AK8: variants seen among roughly 807,000 people sequenced by gnomAD.
The protein encoded by AK8 is ATP-AMP transphosphorylase 8.
AK8 carries 44 observed loss-of-function variants against 54.6 expected under a neutral mutation model. The observed-to-expected ratio is 0.81, with a 90% CI of 0.63 to 1.04. AK8 has a LOEUF of 1.04. Ranked by LOEUF, AK8 falls within the 50% of genes least tolerant of loss-of-function variation. The pLI is 0.00. For synonymous variants in AK8, 239 were observed against 245.6 expected, an observed-to-expected ratio of 0.97 and a Z score of 0.25; for missense variants, 555 against 613.6, an observed-to-expected ratio of 0.90 and a Z score of 1.01.
intron 2 of AK8, among the ~76,000 whole-genome samples, chr9:132,871,605 C>G (rs372650724): frequency 3.9e-4 from 60 of 152,320 alleles, no homozygotes; most frequent in African/African-American, 1.4e-3. Context: ...GACAGACCCC[C>G]CCGGCTGGAG....
intron 5 of AK8, among the ~76,000 whole-genome samples, chr9:132,835,591 T>A (rs192195965): frequency 2.6e-5 from 4 of 152,348 alleles, no homozygotes; most frequent in African/African-American, 4.8e-5. Flanking sequence ...AGCCAATGTG[T>A]GACTTTCAAC....
intron 8 of AK8, among the ~76,000 whole-genome samples, chr9:132,824,018 G>A (rs756778280): frequency 2.6e-5 from 4 of 152,214 alleles, no homozygotes; most frequent in Non-Finnish European, 5.9e-5. Flanking sequence ...CTGGCATTTG[G>A]TGAACAAAGA....
intron 10 of AK8, among the ~76,000 whole-genome samples, chr9:132,798,742 T>C (rs1365669597): frequency 6.6e-6 from 1 of 152,046 alleles, no homozygotes; most frequent in African/African-American, 2.4e-5. Context: ...AGTCCTCAAG[T>C]TGACCTCCAG....
At chr9:132,789,241 G>A (rs981418962) in intron 11 of AK8, among the ~76,000 whole-genome samples, 1 of 151,910 alleles carries the variant, frequency 6.6e-6, no homozygotes, top group Non-Finnish European at 1.5e-5. Flanking sequence ...CTTACAGTGA[G>A]CCAAGATCGC....
In AK8 at chr9:132,743,252, C is replaced by T. The variant is rs76731781; in HGVS notation, c.1122-15718G>A. 6.5e-3 allele frequency among the ~76,000 whole-genome samples: 994 copies of T among 152,362 alleles called. 11 individuals are homozygous for T. The highest frequency in any genetic ancestry group is 0.022 in the African/African-American group (917 of 41,584). On this transcript the variant is annotated intron_variant, in intron 11 of 12. Transcript: ENST00000298545. ...CTCTGCTCGCGACCTGACCTGCCGT[C>T]GGGCGGCCCCACAGGCACGGGTCTG...
chr9:132,856,416 T>A (rs1843173989), intron 4 of AK8, among the ~76,000 whole-genome samples: 1 of 152,184 alleles, frequency 6.6e-6, no homozygotes, highest in South Asian at 2.1e-4. Flanking sequence ...TAGAAATCAG[T>A]AATGAGACTG....
At chr9:132,741,699 T>A (rs1590179799) in intron 11 of AK8, among the ~76,000 whole-genome samples, 1 of 152,230 alleles carries the variant, frequency 6.6e-6, no homozygotes, top group Non-Finnish European at 1.5e-5. Context: ...ATGAGTCTAA[T>A]TCAATGGATT....
In AK8 at chr9:132,855,009, A is replaced by G. The variant is rs890873358; in HGVS notation, c.334-84T>C. 2.1e-6 allele frequency: 3 copies of G among 1,428,706 alleles called. 1 individual carries two copies. Among genetic ancestry groups the G allele is most frequent in the South Asian group, 2.3e-5 (2 of 85,870 alleles). 88.5% of individuals were successfully genotyped at this position (1,428,706 alleles called of 1,614,324 possible). ...ACAGACCAGCACACACCCTTCACCA[A>G]CGCCCTGGCCTCTGGAAAGCACCGA... On this transcript the variant is annotated intron_variant, in intron 4 of 12. Transcript: ENST00000298545.
chr9:132,827,182 G>A (rs539969633), intron 7 of AK8, 128 bp from the exon 8 acceptor site: 9 of 856,888 alleles, frequency 1.1e-5, no homozygotes, highest in East Asian at 2.5e-5. Context: ...GGCTGACCAC[G>A]GCAGGACACC....
intron 2 of AK8, among the ~76,000 whole-genome samples, chr9:132,871,370 G>C (rs572085459): frequency 2.7e-4 from 41 of 152,354 alleles, no homozygotes; most frequent in African/African-American, 9.6e-4. Context: ...TGGGCAAAGA[G>C]AGAGAAACCC....
intron 11 of AK8, among the ~76,000 whole-genome samples, chr9:132,771,611 G>C (rs901179376): frequency 1.5e-4 from 23 of 152,162 alleles, no homozygotes; most frequent in African/African-American, 5.6e-4. Flanking sequence ...AAGCTGGAGA[G>C]TACTGGGTCT....
At chr9:132,761,259 CTTTTCTTTTCT>C (rs1838451777) in intron 11 of AK8, among the ~76,000 whole-genome samples, 2 of 133,356 alleles carry the variant, frequency 1.5e-5, no homozygotes, top group South Asian at 2.3e-4. Context: ...TTTTTCTTTT[CTTTTCTTTTCT>C]TTTTTTTTTT....
chr9:132,746,465 T>G lies in AK8; in HGVS notation c.1122-18931A>C, dbSNP rs182992039. Among the ~76,000 whole-genome samples, 205 of 152,318 alleles carry G rather than the reference T, an allele frequency of 1.3e-3. 3 individuals carry two copies. Among genetic ancestry groups the G allele is most frequent in the African/African-American group, 4.7e-3 (197 of 41,574 alleles). ...GGTTCCCCATCTAAGGGGACAGGGA[T>G]GGCAACAGGTGAGGAGGATTAAAGG... On this transcript the variant is annotated intron_variant, in intron 11 of 12. Coordinates refer to ENST00000298545, the MANE Select transcript of AK8 (RefSeq NM_152572.3).
Position 132,733,467 on chromosome 9 carries a change from G to T in AK8, c.1122-5933C>A, listed in dbSNP as rs1836956150. Reference sequence around the variant, plus strand: ...GCTGCTTCATAAACAAGCCCCATTTGAAAGACTTTTAACCCAGCGTACCAA... The same window carrying T: ...GCTGCTTCATAAACAAGCCCCATTTTAAAGACTTTTAACCCAGCGTACCAA... On this transcript the variant is annotated intron_variant, in intron 11 of 12. Coordinates refer to ENST00000298545, the MANE Select transcript of AK8 (RefSeq NM_152572.3). Among the ~76,000 whole-genome samples, 6 of 152,336 alleles carry T rather than the reference G, an allele frequency of 3.9e-5. 1 individual carries two copies. The South Asian group carries it at 1.2e-3, about 32-fold the overall frequency.
upstream of AK8, chr9:132,878,377 C>A (rs979197696): frequency 1.4e-5 from 18 of 1,246,750 alleles, no homozygotes; most frequent in South Asian, 7.7e-5. This position sits in a 1 kb window ranked among gnomAD's most constrained non-coding sequence, Gnocchi z 4.7. Context: ...GATACCCGAT[C>A]CTCGGTCGCG....
intron 9 of AK8, among the ~76,000 whole-genome samples, chr9:132,821,890 T>C (rs1336333424): frequency 0.18 from 31 of 170 alleles, 4 homozygotes; most frequent in Non-Finnish European, 0.25. Context: ...AATATATACA[T>C]ATATGTGTAT....
Position 132,725,730 on chromosome 9 carries a change from G to C in AK8, c.1398C>G (p.Ile466Met). 1.3e-6 allele frequency: 2 copies of C among 1,587,160 alleles called. No individual in the cohort carries two copies. The highest frequency in any genetic ancestry group is 2.3e-5 in the East Asian group (1 of 44,178). ...DQDPYTVFEY[I>M]ESGIINPLPK... ...GCAGGGGATTAATGATCCCACTCTC[G>C]ATGTATTCGAAGACTGTGTATGGGT... Residue 466 changes from isoleucine to methionine, a missense_variant, in exon 13 of 13, where the codon ATC becomes ATG. Ile to Met is a conservative substitution (Grantham distance 10). Coordinates refer to ENST00000298545, the MANE Select transcript of AK8 (RefSeq NM_152572.3).
rs1248128937 is a variant in AK8, at chr9:132,790,471, C to T, written c.1121+2163G>A. ...TTCACCATGTTAGCCAGGATGGTCT[C>T]GATCTCCTGACCTCATGATCCACCC... On this transcript the variant is annotated intron_variant, in intron 11 of 12. Coordinates refer to ENST00000298545, the MANE Select transcript of AK8 (RefSeq NM_152572.3). This position sits in a 1 kb window ranked among gnomAD's most constrained non-coding sequence, Gnocchi z 4.1. Among the ~76,000 whole-genome samples the T allele has an allele frequency of 9.2e-5, 14 of 152,150 alleles. No individual in the cohort carries two copies. The highest frequency in any genetic ancestry group is 8.5e-4 in the Admixed American group (13 of 15,286).
chr9:132,804,906 A>G (rs952514917), intron 10 of AK8, among the ~76,000 whole-genome samples: 19 of 152,186 alleles, frequency 1.2e-4, no homozygotes, highest in Non-Finnish European at 2.6e-4. Context: ...CTGCCTCTGC[A>G]GGCCCCGCTC....
Sources: allele counts gnomAD v4.1 joint callset (sites outside exome capture counted in the v4.1 genomes callset), GRCh38; gene constraint gnomAD v4.1.1; non-coding constraint Gnocchi (gnomAD v3.1); transcripts MANE v1.5; gene names NCBI Gene and HGNC (gene_info 2026-07-23, HGNC 2026-07-21).